The following HAPLN1 variants were observed in gnomAD, a reference collection of about 807,000 sequenced individuals.
The protein encoded by HAPLN1 is hyaluronan and proteoglycan link protein 1, also known as Cartilage link protein.
A neutral mutation model predicts 36.5 loss-of-function variants in HAPLN1; 13 were observed. That is an observed-to-expected ratio of 0.36 (90% CI 0.23 to 0.57). The LOEUF is 0.57. Among genes scored for constraint, HAPLN1 ranks in the 20% least tolerant of loss-of-function variants. The pLI is 0.83. For synonymous variants in HAPLN1, 202 were observed against 169.8 expected, an observed-to-expected ratio of 1.19 and a Z score of -1.48; for missense variants, 407 against 439.7, an observed-to-expected ratio of 0.93 and a Z score of 0.66.
intron 4 of HAPLN1, among the ~76,000 whole-genome samples, chr5:83,642,428 A>C (rs1322766126): frequency 6.6e-6 from 1 of 152,172 alleles, no homozygotes; most frequent in Non-Finnish European, 1.5e-5. Context: ...TTCAACTTCC[A>C]TTTGTTGAAA....
intron 4 of HAPLN1, 80 bp from the exon 5 acceptor site, chr5:83,641,865 T>G: frequency 7.1e-7 from 1 of 1,402,358 alleles, no homozygotes; most frequent in Non-Finnish European, 9.8e-7. Context: ...AAAACGGAAG[T>G]GTTTCTCAAT....
intron 1 of HAPLN1, among the ~76,000 whole-genome samples, chr5:83,684,265 C>G (rs1239577287): frequency 1.3e-5 from 2 of 152,098 alleles, no homozygotes; most frequent in African/African-American, 4.8e-5. Context: ...GTCATTCAAA[C>G]AATTATCCAT....
chr5:83,658,654 C>A (rs548637981), intron 2 of HAPLN1, among the ~76,000 whole-genome samples: 1 of 152,262 alleles, frequency 6.6e-6, no homozygotes, highest in Non-Finnish European at 1.5e-5. Flanking sequence ...TTCCTTAAGA[C>A]TGGAAGAAAT....
intron 1 of HAPLN1, among the ~76,000 whole-genome samples, chr5:83,688,308 C>T (rs1751183104): frequency 2.0e-5 from 3 of 152,138 alleles, no homozygotes; most frequent in Admixed American, 1.3e-4. Context: ...ACACACCATC[C>T]ACTTTGGCTG....
At chr5:83,664,587 T>G (rs1750503176) in intron 2 of HAPLN1, among the ~76,000 whole-genome samples, 1 of 152,124 alleles carries the variant, frequency 6.6e-6, no homozygotes, top group Non-Finnish European at 1.5e-5. Flanking sequence ...TTCACCATGT[T>G]GGCCAGGCTG....
intron 3 of HAPLN1, among the ~76,000 whole-genome samples, chr5:83,648,394 A>AGT (rs1749938100): frequency 6.1e-5 from 2 of 32,774 alleles, no homozygotes; most frequent in African/African-American, 1.1e-4. Context: ...CCTATATTTG[A>AGT]CTATATATAT....
chr5:83,681,330 C>T (rs987845066), intron 1 of HAPLN1, among the ~76,000 whole-genome samples: 4 of 152,140 alleles, frequency 2.6e-5, no homozygotes, highest in East Asian at 1.9e-4. Flanking sequence ...TCAGAAGGCC[C>T]CTTGTAACCA....
At chr5:83,663,924 T>C (rs1750483375) in intron 2 of HAPLN1, among the ~76,000 whole-genome samples, 1 of 152,034 alleles carries the variant, frequency 6.6e-6, no homozygotes, top group African/African-American at 2.4e-5. Flanking sequence ...AGCCTCACCT[T>C]TACTCTTGGC....
chr5:83,700,072 T>C (rs1183496651), intron 1 of HAPLN1, among the ~76,000 whole-genome samples: 1 of 151,874 alleles, frequency 6.6e-6, no homozygotes, highest in Non-Finnish European at 1.5e-5. Flanking sequence ...CTCATGCCTG[T>C]AGTCCCAGTT....
intron 1 of HAPLN1, among the ~76,000 whole-genome samples, chr5:83,683,613 T>G (rs1422545960): frequency 1.3e-5 from 2 of 152,136 alleles, no homozygotes; most frequent in Non-Finnish European, 2.9e-5. Context: ...CACAGATACA[T>G]TTAGATCTGG....
chr5:83,714,158 C>G (rs550703004), intron 1 of HAPLN1, among the ~76,000 whole-genome samples: 2 of 152,060 alleles, frequency 1.3e-5, no homozygotes, highest in Non-Finnish European at 2.9e-5. Context: ...GTCAGGCATT[C>G]GTATCTCCAA....
At chr5:83,682,278 G>A (rs1183885683) in intron 1 of HAPLN1, 1 of 152,118 alleles carries the variant, frequency 6.6e-6, no homozygotes, top group Non-Finnish European at 1.5e-5. Context: ...TGCATCCCAT[G>A]TGTCATTCTA....
intron 1 of HAPLN1, among the ~76,000 whole-genome samples, chr5:83,696,724 C>T (rs1206636022): frequency 6.6e-6 from 1 of 151,980 alleles, no homozygotes; most frequent in Non-Finnish European, 1.5e-5. Flanking sequence ...ATTTGATAGA[C>T]AAAAATTTGG....
chr5:83,649,749 G>A (rs892066648), intron 3 of HAPLN1, among the ~76,000 whole-genome samples: 8 of 151,974 alleles, frequency 5.3e-5, no homozygotes, highest in Admixed American at 6.6e-5. Flanking sequence ...ATGCCCGGCC[G>A]TGTCTCTTTC....
chr5:83,655,070 T>C (rs1458284231), intron 2 of HAPLN1, among the ~76,000 whole-genome samples: 1 of 152,220 alleles, frequency 6.6e-6, no homozygotes, highest in Non-Finnish European at 1.5e-5. Flanking sequence ...CATATATTAG[T>C]CTTCCATAAT....
chr5:83,676,732 C>T (rs1011768768), intron 1 of HAPLN1, among the ~76,000 whole-genome samples: 13 of 152,108 alleles, frequency 8.5e-5, no homozygotes, highest in African/African-American at 2.7e-4. Context: ...TTTAGACAAT[C>T]GGGGAGACTT....
intron 1 of HAPLN1, among the ~76,000 whole-genome samples, chr5:83,694,332 A>G (rs909974979): frequency 1.3e-5 from 2 of 152,092 alleles, no homozygotes; most frequent in African/African-American, 4.8e-5. Flanking sequence ...AACACGTATT[A>G]GAGAAGAAAA....
At chr5:83,658,433 G>T (rs1481312725) in intron 2 of HAPLN1, among the ~76,000 whole-genome samples, 2 of 152,090 alleles carry the variant, frequency 1.3e-5, no homozygotes, top group African/African-American at 4.8e-5. Flanking sequence ...AGTAAACATG[G>T]ATATCTGAGC....
chr5:83,651,290 C>G lies in HAPLN1; in HGVS notation c.472+1163G>C, dbSNP rs532971029. ...CTCTTAATACTACTAGCTCAAGGCTCTCTCCAACCTTCCATGCCCCTTTGA... is the reference window on the plus strand; with the variant it reads ...CTCTTAATACTACTAGCTCAAGGCTGTCTCCAACCTTCCATGCCCCTTTGA... On this transcript the variant is annotated intron_variant, in intron 3 of 4. Transcript: ENST00000274341. Among the ~76,000 whole-genome samples, 39 of 152,314 alleles carry G rather than the reference C, an allele frequency of 2.6e-4. No homozygotes were observed. The South Asian group carries it at 5.8e-3, about 23-fold the overall frequency.
Sources: allele counts gnomAD v4.1 joint callset (sites outside exome capture counted in the v4.1 genomes callset), GRCh38; gene constraint gnomAD v4.1.1; transcripts MANE v1.5; gene names NCBI Gene and HGNC (gene_info 2026-07-23, HGNC 2026-07-21).